VRK2: variants seen among roughly 807,000 people sequenced by gnomAD.
VRK2 encodes the protein VRK serine/threonine kinase 2.
VRK2 carries 60 observed loss-of-function variants against 57.6 expected under a neutral mutation model. That is an observed-to-expected ratio of 1.04 (90% CI 0.85 to 1.29). The LOEUF is 1.29. VRK2 is among the 50% of genes most tolerant of loss of function. VRK2 has a pLI of 0.00. For synonymous variants in VRK2, 231 were observed against 199.2 expected (o/e 1.16, Z -1.35); for missense variants, 705 against 588.1 (o/e 1.20, Z -2.06).
At chr2:58,115,791 G>A (rs891374073) in intron 7 of VRK2, among the ~76,000 whole-genome samples, 1 of 152,186 alleles carries the variant, frequency 6.6e-6, no homozygotes, top group Non-Finnish European at 1.5e-5. Context: ...GAAGCCTTGC[G>A]GCAGTACAGC....
intron 1 of VRK2, among the ~76,000 whole-genome samples, chr2:58,003,991 G>C (rs781603313): frequency 6.6e-6 from 1 of 152,032 alleles, no homozygotes; most frequent in African/African-American, 2.4e-5. Context: ...CCTAATTCCA[G>C]ACTGCCATTT....
chr2:58,017,692 T>C (rs1397300560), intron 1 of VRK2, among the ~76,000 whole-genome samples: 1 of 152,226 alleles, frequency 6.6e-6, no homozygotes, highest in African/African-American at 2.4e-5. Context: ...GGGAGATCTT[T>C]GCTTTCCCAA....
chr2:57,946,891 T>C (rs991037085), intron 1 of VRK2, among the ~76,000 whole-genome samples: 2 of 152,254 alleles, frequency 1.3e-5, no homozygotes, highest in Admixed American at 1.3e-4. Context: ...AGCCTGGCTA[T>C]ACTGATCTAT....
chr2:58,076,109 T>C (rs898424488), intron 2 of VRK2, among the ~76,000 whole-genome samples: 49 of 148,238 alleles, frequency 3.3e-4, no homozygotes, highest in East Asian at 1.2e-3. Context: ...CTGTCTTCTT[T>C]TTTTTTTTTT....
intron 9 of VRK2, 49 bp from the exon 10 acceptor site, chr2:58,135,092 T>C (rs771835504): frequency 1.3e-6 from 2 of 1,598,332 alleles, no homozygotes; most frequent in Non-Finnish European, 1.7e-6. Context: ...GTCAAAATAA[T>C]CACAGGGTTG....
intron 1 of VRK2, among the ~76,000 whole-genome samples, chr2:57,910,112 GA>G (rs748941982): frequency 0.022 from 2,923 of 133,496 alleles, 85 homozygotes; most frequent in African/African-American, 0.07. Context: ...GAAGATAGAG[GA>G]AAAAAAAAAA....
chr2:57,949,061 G>T lies in VRK2; in HGVS notation c.-439+41222G>T, dbSNP rs565348818. ...GTAAAATTGCAAAACATTAAGTTGG[G>T]AGTGGTGGTGGGGGACAGGGGGCGG... is the stretch of plus-strand genomic sequence containing the variant. On this transcript the variant is annotated intron_variant, in intron 1 of 15. Coordinates refer to the VRK2 transcript ENST00000417641. 5.4e-5 allele frequency among the ~76,000 whole-genome samples: 8 copies of T among 148,880 alleles called. No homozygotes were observed. In the South Asian group the frequency reaches 1.7e-3, roughly 32 times the overall value.
chr2:58,053,142 C>G (rs1676008342), intron 2 of VRK2, among the ~76,000 whole-genome samples: 1 of 152,182 alleles, frequency 6.6e-6, no homozygotes, highest in Admixed American at 6.5e-5. Flanking sequence ...AGATGTCACT[C>G]TTCGATCTAC....
At chr2:58,116,874 A>T (rs1030115511) in intron 7 of VRK2, among the ~76,000 whole-genome samples, 15 of 152,164 alleles carry the variant, frequency 9.9e-5, no homozygotes, top group African/African-American at 3.1e-4. Flanking sequence ...TGGCACTTGT[A>T]GCAAGCTCCT....
chr2:58,083,843 G>A (rs755900386), intron 2 of VRK2, among the ~76,000 whole-genome samples: 1 of 151,844 alleles, frequency 6.6e-6, no homozygotes, highest in Non-Finnish European at 1.5e-5. Flanking sequence ...GGGCTGTGAT[G>A]TCAGGCAGAT....
intron 4 of VRK2, among the ~76,000 whole-genome samples, chr2:58,085,571 A>G (rs987138983): frequency 2.6e-5 from 4 of 151,972 alleles, no homozygotes; most frequent in Non-Finnish European, 4.4e-5. Context: ...TTAAAGAAGT[A>G]GACAGGAGTA....
chr2:58,040,325 G>A (rs950645929), intron 3 of VRK2, among the ~76,000 whole-genome samples: 1 of 152,104 alleles, frequency 6.6e-6, no homozygotes, highest in Non-Finnish European at 1.5e-5. Context: ...TAACAGAAGG[G>A]GAAGTCAGGA....
chr2:58,147,139 C>A (rs763103957), intron 12 of VRK2: 5 of 517,838 alleles, frequency 9.7e-6, no homozygotes, highest in Non-Finnish European at 1.9e-5. Context: ...GTATACCCTA[C>A]CTAATCAAGA....
At chr2:58,015,298 C>T (rs1483801024) in intron 1 of VRK2, among the ~76,000 whole-genome samples, 3 of 152,122 alleles carry the variant, frequency 2.0e-5, no homozygotes, top group African/African-American at 7.2e-5. Context: ...TTAAATTCAA[C>T]TAATTATTAA....
intron 7 of VRK2, among the ~76,000 whole-genome samples, chr2:58,114,031 G>T (rs1676032115): frequency 1.3e-5 from 2 of 152,266 alleles, no homozygotes; most frequent in African/African-American, 4.8e-5. Context: ...TTAAGCTGAA[G>T]GGAGGTCTTG....
intron 3 of VRK2, chr2:58,040,932 A>C: frequency 1.5e-6 from 1 of 684,708 alleles, no homozygotes; most frequent in Non-Finnish European, 1.8e-6. Context: ...ACACACAGGA[A>C]AACTATTTCT....
At chr2:58,044,200 C>A (rs536361856), upstream of VRK2, among the ~76,000 whole-genome samples, 4 of 152,166 alleles carry the variant, frequency 2.6e-5, no homozygotes, top group South Asian at 8.3e-4. Context: ...ATTCCTGGGG[C>A]TTTAGATTAG....
At chr2:58,026,542 C>T (rs12623993) in intron 2 of VRK2, among the ~76,000 whole-genome samples, 10 of 151,970 alleles carry the variant, frequency 6.6e-5, no homozygotes, top group East Asian at 1.9e-4. Flanking sequence ...AGTATTGGCA[C>T]GTGTAGCATT....
At chr2:58,141,282 T>G (rs1370335495) in intron 11 of VRK2, among the ~76,000 whole-genome samples, 1 of 152,014 alleles carries the variant, frequency 6.6e-6, no homozygotes, top group Non-Finnish European at 1.5e-5. Flanking sequence ...ATAAACTTAA[T>G]TGAAATATAA....
Sources: gnomAD v4.1 joint callset for allele counts (sites outside exome capture counted in the v4.1 genomes callset) on GRCh38, gnomAD v4.1.1 for gene constraint, MANE v1.5 for transcripts, NCBI Gene and HGNC (gene_info 2026-07-23, HGNC 2026-07-21) for gene names.